The following C2orf66 variants were observed in gnomAD, a reference collection of about 807,000 sequenced individuals.
C2orf66 encodes chromosome 2 open reading frame 66, also known as uncharacterized protein C2orf66.
In C2orf66, 6 loss-of-function variants were observed where a neutral mutation model predicts 7.0. The observed-to-expected ratio is 0.86, with a 90% confidence interval of 0.47 to 1.69. The LOEUF is 1.69. Ranked by LOEUF, C2orf66 falls within the 40% of genes most tolerant of loss-of-function variation. C2orf66 has a pLI of 0.01. For synonymous variants in C2orf66, 38 were observed against 43.8 expected, an observed-to-expected ratio of 0.87 and a Z score of 0.52; for missense variants, 107 against 112.0, an observed-to-expected ratio of 0.96 and a Z score of 0.20.
chr2:196,831,803 G>A, the C2orf66 span, among the ~76,000 whole-genome samples: 1 of 152,138 alleles, frequency 6.6e-6, no homozygotes, highest in Admixed American at 6.5e-5. Context: ...CATCGCCTGA[G>A]TTTCATTATC....
At chr2:196,831,234 C>G in the C2orf66 span, among the ~76,000 whole-genome samples, 1 of 152,154 alleles carries the variant, frequency 6.6e-6, no homozygotes, top group Non-Finnish European at 1.5e-5. Context: ...CGGCCAGCCT[C>G]TGTGTCTGAG....
chr2:196,808,068 T>G (rs749447157), intron 1 of C2orf66, among the ~76,000 whole-genome samples: 13 of 152,194 alleles, frequency 8.5e-5, no homozygotes, highest in Non-Finnish European at 1.3e-4. Flanking sequence ...GCTACTTGCT[T>G]TGATGCAGGA....
the C2orf66 span, among the ~76,000 whole-genome samples, chr2:196,822,894 T>G: frequency 1.3e-5 from 2 of 152,158 alleles, no homozygotes. Context: ...AACTTTTTTG[T>G]ATGTAGCTGT....
the C2orf66 span, among the ~76,000 whole-genome samples, chr2:196,817,028 G>A: frequency 1.3e-5 from 2 of 151,948 alleles, no homozygotes; most frequent in Non-Finnish European, 2.9e-5. Flanking sequence ...AAGGGGAGGG[G>A]GTGCAAGAAC....
intron 1 of C2orf66, among the ~76,000 whole-genome samples, chr2:196,808,998 T>C (rs1699845030): frequency 1.3e-5 from 2 of 152,230 alleles, no homozygotes; most frequent in Non-Finnish European, 2.9e-5. Context: ...TAAATATAAA[T>C]TTGTTTCTCT....
chr2:196,809,507 T>C, upstream of C2orf66: 2 of 920,834 alleles, frequency 2.2e-6, no homozygotes, highest in Non-Finnish European at 3.2e-6. Flanking sequence ...CCAGATTGAC[T>C]TCTAAATGAG....
At chr2:196,828,230 TCACACACACACACA>T in the C2orf66 span, among the ~76,000 whole-genome samples, 102 of 125,152 alleles carry the variant, frequency 8.2e-4, 1 homozygote, top group Middle Eastern at 4.0e-3. Context: ...TCTCTCTCTC[TCACACACACACACA>T]CACACACACA....
At chr2:196,828,081 T>C in the C2orf66 span, among the ~76,000 whole-genome samples, 217 of 152,284 alleles carry the variant, frequency 1.4e-3, no homozygotes, top group African/African-American at 5.0e-3. Flanking sequence ...ATTACATCTA[T>C]TAAGCACAGT....
chr2:196,821,657 A>G, the C2orf66 span, among the ~76,000 whole-genome samples: 5 of 152,122 alleles, frequency 3.3e-5, no homozygotes, highest in Non-Finnish European at 7.4e-5. Context: ...ACTAGATAAG[A>G]CCCTTTCCAT....
chr2:196,824,323 A>G, the C2orf66 span, among the ~76,000 whole-genome samples: 3 of 151,998 alleles, frequency 2.0e-5, no homozygotes, highest in Non-Finnish European at 4.4e-5. Context: ...TCTGGCACAG[A>G]TTTTGTTGTG....
rs748744646 is a variant in C2orf66 at position 196,807,616 on chromosome 2, T to C, written c.130A>G (p.Arg44Gly). ...NNPRNRDLFF[R>G]RLQAYFKGRG... is the part of the protein sequence containing the mutation. ...CCCTTAAAATATGCCTGAAGCCTTCTGAAAAACTAAAGAGAGAAAGAAAAT... is the reference window on the plus strand; with the variant it reads ...CCCTTAAAATATGCCTGAAGCCTTCCGAAAAACTAAAGAGAGAAAGAAAAT... The change falls in exon 2 of 3, where the codon AGA becomes GGA. Residue 44 changes from arginine to glycine, a missense_variant. Coordinates refer to ENST00000342506, the MANE Select transcript of C2orf66 (RefSeq NM_213608.3). The C allele has an allele frequency of 4.4e-6, 7 of 1,605,386 alleles. No homozygotes were observed. The South Asian group carries it at 4.5e-5, about 10-fold the overall frequency.
intron 2 of C2orf66, among the ~76,000 whole-genome samples, chr2:196,806,228 C>T (rs911521981): frequency 2.6e-5 from 4 of 152,002 alleles, no homozygotes; most frequent in Admixed American, 6.6e-5. Context: ...GATGGAGTCT[C>T]GCTCTGTCAC....
chr2:196,827,224 G>C, the C2orf66 span, among the ~76,000 whole-genome samples: 1 of 144,086 alleles, frequency 6.9e-6, no homozygotes, highest in Non-Finnish European at 1.5e-5. Flanking sequence ...GGGTGACAGA[G>C]GGAGATTCTG....
the C2orf66 span, among the ~76,000 whole-genome samples, chr2:196,823,399 G>A: frequency 6.6e-6 from 1 of 152,120 alleles, no homozygotes; most frequent in Admixed American, 6.5e-5. Flanking sequence ...GAGGCAGGTG[G>A]ATGACTTGAG....
the C2orf66 span, among the ~76,000 whole-genome samples, chr2:196,818,206 G>C: frequency 4.7e-4 from 72 of 152,280 alleles, 1 homozygote; most frequent in South Asian, 0.014. Flanking sequence ...CGACACCTGA[G>C]ACCACAGAGC....
the C2orf66 span, among the ~76,000 whole-genome samples, chr2:196,830,292 G>A: frequency 6.6e-6 from 1 of 152,134 alleles, no homozygotes; most frequent in South Asian, 2.1e-4. Context: ...TTTCTGGAGT[G>A]ACCTGAAAAT....
the C2orf66 span, among the ~76,000 whole-genome samples, chr2:196,828,226 T>TCACACA: frequency 7.5e-6 from 1 of 132,668 alleles, no homozygotes; most frequent in African/African-American, 3.3e-5. Flanking sequence ...TCTCTCTCTC[T>TCACACA]CTCTCACACA....
At chr2:196,826,473 T>C in the C2orf66 span, among the ~76,000 whole-genome samples, 3 of 152,208 alleles carry the variant, frequency 2.0e-5, no homozygotes, top group African/African-American at 7.2e-5. Context: ...TGGTATTCTA[T>C]AGATTTGTAA....
chr2:196,824,429 C>A, the C2orf66 span, among the ~76,000 whole-genome samples: 1 of 152,166 alleles, frequency 6.6e-6, no homozygotes, highest in East Asian at 1.9e-4. Flanking sequence ...ATGAAAAGAA[C>A]TGCTTACCTC....
Sources: gnomAD v4.1 joint callset for allele counts (sites outside exome capture counted in the v4.1 genomes callset) on GRCh38, gnomAD v4.1.1 for gene constraint, MANE v1.5 for transcripts, NCBI Gene and HGNC (gene_info 2026-07-23, HGNC 2026-07-21) for gene names.